SUGCT: variants seen among roughly 807,000 people sequenced by gnomAD.
SUGCT encodes succinyl-CoA:glutarate-CoA transferase.
A neutral mutation model predicts 55.0 loss-of-function variants in SUGCT; 41 were observed. The ratio of observed to expected loss-of-function variants is 0.74; its 90% confidence interval spans 0.58 to 0.97. SUGCT has a LOEUF of 0.97. Among genes scored for constraint, SUGCT ranks in the 50% least tolerant of loss-of-function variants. SUGCT has a pLI of 0.00. For missense variants in SUGCT, 568 were observed against 547.8 expected, an observed-to-expected ratio of 1.04 and a Z score of -0.37; for synonymous variants, 187 against 200.4, an observed-to-expected ratio of 0.93 and a Z score of 0.56.
chr7:40,605,142 C>T (rs1165218659), intron 12 of SUGCT, among the ~76,000 whole-genome samples: 4 of 152,218 alleles, frequency 2.6e-5, no homozygotes, highest in African/African-American at 9.7e-5. Flanking sequence ...CAGCATAAGA[C>T]GATGGCCATG....
At chr7:40,276,967 C>T (rs1792540462) in intron 8 of SUGCT, among the ~76,000 whole-genome samples, 1 of 152,102 alleles carries the variant, frequency 6.6e-6, no homozygotes, top group Non-Finnish European at 1.5e-5. Flanking sequence ...CTTTTCCAAT[C>T]CTTTGAGGTC....
intron 13 of SUGCT, among the ~76,000 whole-genome samples, chr7:40,804,564 C>T (rs552379623): frequency 7.8e-4 from 103 of 132,186 alleles, no homozygotes; most frequent in Non-Finnish European, 1.4e-3. Flanking sequence ...GGCCATTACC[C>T]TTCTCAGAAA....
chr7:40,907,021 A>T, the SUGCT span, among the ~76,000 whole-genome samples: 1 of 152,004 alleles, frequency 6.6e-6, no homozygotes, highest in Non-Finnish European at 1.5e-5. Flanking sequence ...TTGTCTCCAT[A>T]ATAGGATGGG....
chr7:40,589,145 CAT>C (rs971846349), intron 12 of SUGCT, among the ~76,000 whole-genome samples: 14 of 151,638 alleles, frequency 9.2e-5, no homozygotes, highest in South Asian at 4.2e-4. Flanking sequence ...TAAATATGTA[CAT>C]ATATGTGTGT....
chr7:40,793,571 ATTG>A (rs1394130048), intron 13 of SUGCT, among the ~76,000 whole-genome samples: 2 of 151,730 alleles, frequency 1.3e-5, no homozygotes, highest in Non-Finnish European at 2.9e-5. Context: ...TTTTGCTGTT[ATTG>A]TTTACTTGTT....
At chr7:40,717,899 G>A in intron 12 of SUGCT, among the ~76,000 whole-genome samples, 1 of 150,650 alleles carries the variant, frequency 6.6e-6, no homozygotes, top group African/African-American at 2.4e-5. Flanking sequence ...TACTGAAAAT[G>A]GTACATAATG....
At chr7:40,999,514 G>A in the SUGCT span, among the ~76,000 whole-genome samples, 1 of 152,142 alleles carries the variant, frequency 6.6e-6, no homozygotes, top group East Asian at 1.9e-4. Flanking sequence ...ATATGACTTC[G>A]TGTTTGCAAA....
At chr7:40,211,178 T>C (rs537638673) in intron 6 of SUGCT, among the ~76,000 whole-genome samples, 1 of 152,046 alleles carries the variant, frequency 6.6e-6, no homozygotes, top group Non-Finnish European at 1.5e-5. Context: ...TTCGCCATAT[T>C]GCCCAGACTG....
chr7:40,261,600 C>T (rs558434861), intron 7 of SUGCT, among the ~76,000 whole-genome samples: 96 of 152,290 alleles, frequency 6.3e-4, no homozygotes, highest in Non-Finnish European at 1.2e-3. Context: ...TAACTCTTCT[C>T]GGTCCTCTGG....
intron 9 of SUGCT, among the ~76,000 whole-genome samples, chr7:40,355,805 A>C (rs1205857619): frequency 1.3e-5 from 2 of 152,230 alleles, no homozygotes; most frequent in Non-Finnish European, 1.5e-5. Flanking sequence ...ATCTGTAATA[A>C]GAATTTACAT....
chr7:40,400,150 AT>A (rs1785984339), intron 9 of SUGCT, among the ~76,000 whole-genome samples: 1 of 152,076 alleles, frequency 6.6e-6, no homozygotes, highest in African/African-American at 2.4e-5. Flanking sequence ...TACTTCATAA[AT>A]TGGGTTGAAT....
At chr7:40,863,756 T>C (rs1563056901), downstream of SUGCT, among the ~76,000 whole-genome samples, 1 of 152,118 alleles carries the variant, frequency 6.6e-6, no homozygotes, top group Non-Finnish European at 1.5e-5. Context: ...GCCCTTCTAA[T>C]TGATGGAATT....
chr7:40,195,942 G>A (rs1271393668), intron 6 of SUGCT, among the ~76,000 whole-genome samples: 1 of 151,782 alleles, frequency 6.6e-6, no homozygotes, highest in African/African-American at 2.4e-5. Flanking sequence ...TCTAAATCCT[G>A]ACCTCAAGTG....
At chr7:40,171,546 A>G (rs919339381) in intron 1 of SUGCT, among the ~76,000 whole-genome samples, 13 of 152,230 alleles carry the variant, frequency 8.5e-5, no homozygotes, top group African/African-American at 3.1e-4. Flanking sequence ...TTAGTGTTAA[A>G]TCACCTTTTT....
At chr7:40,507,540 T>C (rs1792675754) in intron 12 of SUGCT, among the ~76,000 whole-genome samples, 1 of 152,136 alleles carries the variant, frequency 6.6e-6, no homozygotes, top group Non-Finnish European at 1.5e-5. Flanking sequence ...GGTCTGGTAA[T>C]GTGAAGATTC....
chr7:40,608,272 A>G (rs1012448411), intron 12 of SUGCT, among the ~76,000 whole-genome samples: 2 of 152,192 alleles, frequency 1.3e-5, no homozygotes, highest in Non-Finnish European at 2.9e-5. Context: ...AAAAATGAAC[A>G]CTATATTTTA....
At chr7:40,756,368 G>A (rs1584392562) in intron 13 of SUGCT, among the ~76,000 whole-genome samples, 1 of 152,276 alleles carries the variant, frequency 6.6e-6, no homozygotes. Flanking sequence ...GCTACCTGCA[G>A]AAGCTCTCTG....
At chr7:40,807,073 T>G (rs1791139834) in intron 13 of SUGCT, among the ~76,000 whole-genome samples, 1 of 152,328 alleles carries the variant, frequency 6.6e-6, no homozygotes, top group East Asian at 1.9e-4. Context: ...AAGATGCTAA[T>G]TGGTAATAGC....
chr7:40,286,156 G>C (rs752730735), intron 8 of SUGCT, among the ~76,000 whole-genome samples: 1 of 152,134 alleles, frequency 6.6e-6, no homozygotes, highest in South Asian at 2.1e-4. Context: ...AAGCCAGCAA[G>C]TTTCTTGCCT....
Sources: allele counts gnomAD v4.1 joint callset (sites outside exome capture counted in the v4.1 genomes callset), GRCh38; gene constraint gnomAD v4.1.1; transcripts MANE v1.5; gene names NCBI Gene and HGNC (gene_info 2026-07-23, HGNC 2026-07-21).